Variants in GRIK1 observed in about 807,000 individuals in gnomAD.
GRIK1 encodes glutamate receptor ionotropic, kainate 1.
Under a neutral mutation model 105.7 loss-of-function variants are expected in GRIK1, and 69 were observed. That is an observed-to-expected ratio of 0.65 (90% CI 0.54 to 0.80). The LOEUF is 0.80. Among genes scored for constraint, GRIK1 ranks in the 30% least tolerant of loss-of-function variants. GRIK1 has a pLI of 0.00. For synonymous variants in GRIK1, 438 were observed against 431.3 expected (o/e 1.02, Z -0.19); for missense variants, 1,109 against 1,167.3 (o/e 0.95, Z 0.73).
chr21:29,776,171 G>T (rs1009955772), intron 1 of GRIK1, among the ~76,000 whole-genome samples: 3 of 152,134 alleles, frequency 2.0e-5, no homozygotes, highest in Non-Finnish European at 4.4e-5. Flanking sequence ...CTCCCACGAG[G>T]TCCCTCCCTC....
chr21:29,880,252 T>C (rs1227473944), intron 1 of GRIK1, among the ~76,000 whole-genome samples: 3 of 152,150 alleles, frequency 2.0e-5, no homozygotes, highest in Non-Finnish European at 2.9e-5. Flanking sequence ...TTTGTCAGCA[T>C]AAAACTTCCT....
At chr21:29,619,569 A>G (rs1445358860) in intron 7 of GRIK1, among the ~76,000 whole-genome samples, 1 of 148,730 alleles carries the variant, frequency 6.7e-6, no homozygotes, top group Non-Finnish European at 1.5e-5. Flanking sequence ...AAATCTCACA[A>G]ATCACCACTA....
At chr21:29,555,672 G>A (rs1157649719) in intron 15 of GRIK1, among the ~76,000 whole-genome samples, 1 of 152,060 alleles carries the variant, frequency 6.6e-6, no homozygotes, top group Non-Finnish European at 1.5e-5. Flanking sequence ...TTGACTGAAC[G>A]ACCCTCTTTT....
At chr21:29,783,209 T>G (rs1468239127) in intron 1 of GRIK1, among the ~76,000 whole-genome samples, 1 of 152,198 alleles carries the variant, frequency 6.6e-6, no homozygotes, top group Non-Finnish European at 1.5e-5. Context: ...AATTTCCTGT[T>G]TTTGTCTTTT....
intron 1 of GRIK1, among the ~76,000 whole-genome samples, chr21:29,907,604 T>C (rs569969232): frequency 1.0e-3 from 155 of 152,246 alleles, no homozygotes; most frequent in African/African-American, 3.6e-3. Context: ...TTATCACGAA[T>C]TTCTAGTTTT....
chr21:29,787,903 A>G lies in GRIK1; in HGVS notation c.119-93840T>C, dbSNP rs565474244. On this transcript the variant is annotated intron_variant, in intron 1 of 17. Transcript: ENST00000327783. ...ATGGCTTCCTATTTTAGTGTCCCTC[A>G]TTTTGTTCCTCGTTTATCCTGATCT... Among the ~76,000 whole-genome samples the G allele has an allele frequency of 2.6e-5, 4 of 152,258 alleles. No homozygotes were observed. In the South Asian group the frequency reaches 8.3e-4, roughly 32 times the overall value.
chr21:29,894,444 G>A (rs1485997053), intron 1 of GRIK1, among the ~76,000 whole-genome samples: 1 of 152,176 alleles, frequency 6.6e-6, no homozygotes, highest in Non-Finnish European at 1.5e-5. Flanking sequence ...GGAGAAGGAT[G>A]AAGGCCAGAA....
intron 7 of GRIK1, among the ~76,000 whole-genome samples, chr21:29,601,946 T>C (rs78463341): frequency 0.027 from 5 of 182 alleles, no homozygotes; most frequent in Non-Finnish European, 0.04. Flanking sequence ...TAATTTGTGT[T>C]TTTACTTTTC....
At chr21:29,627,015 T>C (rs1234633354) in intron 7 of GRIK1, among the ~76,000 whole-genome samples, 2 of 152,202 alleles carry the variant, frequency 1.3e-5, no homozygotes, top group Non-Finnish European at 1.5e-5. Flanking sequence ...AGTTATGTGA[T>C]GAAAATATTT....
intron 12 of GRIK1, among the ~76,000 whole-genome samples, chr21:29,586,979 TTA>T (rs1307787188): frequency 6.6e-6 from 1 of 152,248 alleles, no homozygotes; most frequent in Non-Finnish European, 1.5e-5. Context: ...GCTGACTTTT[TTA>T]TGTTTTGCTT....
chr21:29,750,184 C>A (rs1219702338), intron 1 of GRIK1, among the ~76,000 whole-genome samples: 1 of 151,800 alleles, frequency 6.6e-6, no homozygotes, highest in Non-Finnish European at 1.5e-5. Context: ...AAACTAGTCA[C>A]CCTATTTTTA....
At chr21:29,822,646 G>A (rs888592185) in intron 1 of GRIK1, among the ~76,000 whole-genome samples, 1 of 151,892 alleles carries the variant, frequency 6.6e-6, no homozygotes, top group African/African-American at 2.4e-5. Flanking sequence ...CCTCTTTCTT[G>A]TGGGTTAATA....
intron 1 of GRIK1, among the ~76,000 whole-genome samples, chr21:29,910,348 C>T (rs1312369379): frequency 6.6e-6 from 1 of 152,064 alleles, no homozygotes; most frequent in East Asian, 1.9e-4. Flanking sequence ...CCTATCTAGC[C>T]TTGTTCACAC....
rs80084319 is a variant in GRIK1 at position 29,824,592 on chromosome 21, G to A, written c.118+114791C>T. 4.9e-4 allele frequency among the ~76,000 whole-genome samples: 75 copies of A among 152,028 alleles called. No individual in the cohort carries two copies. The East Asian group carries it at 0.013, about 26-fold the overall frequency. The stretch of plus-strand genomic sequence containing the variant: ...CAGGGAGCTCAGTAAACAAAAGGGT[G>A]GGCTTTCTGGGGGAGAAAAAACCTT... On this transcript the variant is annotated intron_variant, in intron 1 of 17. Transcript: ENST00000327783.
intron 6 of GRIK1, among the ~76,000 whole-genome samples, chr21:29,649,232 G>T (rs1032037585): frequency 2.0e-5 from 3 of 152,122 alleles, no homozygotes; most frequent in Non-Finnish European, 2.9e-5. Context: ...TTATCTGCAT[G>T]ACTGTTGGAT....
At chr21:29,888,175 T>TTCTC (rs2069717314) in intron 1 of GRIK1, among the ~76,000 whole-genome samples, 1 of 10,864 alleles carries the variant, frequency 9.2e-5, no homozygotes. Context: ...CTTTCTTTCT[T>TTCTC]TCTTTCTTCC....
In GRIK1 at chr21:29,537,823, T is replaced by C; in HGVS notation, c.2669A>G (p.Lys890Arg). 6.5e-7 allele frequency: 1 copy of C among 1,527,708 alleles called. No homozygotes were observed. The allele number at this position is 1,527,708 out of a possible 1,614,324, so 94.6% of individuals were successfully genotyped here. ...CTTCTCTACACCAAGGCTTTGTTTT[T>C]TTCTCCCATGAAACCTTACTTTGTT... The part of the protein sequence containing the change: ...FRNKVRFHGR[K>R]KQSLGVEKCL... The change falls in exon 17 of 18, where the codon AAA (lysine) becomes AGA (arginine). Residue 890 changes from lysine to arginine, a missense_variant. Lys to Arg is a conservative substitution (Grantham distance 26, BLOSUM62 2). This residue lies in a region of GRIK1 where 161 missense variants were observed against 143.4 expected (regional missense o/e 1.12). Transcript: ENST00000327783.
intron 1 of GRIK1, among the ~76,000 whole-genome samples, chr21:29,768,416 G>A (rs1280455292): frequency 6.6e-6 from 1 of 152,142 alleles, no homozygotes; most frequent in Admixed American, 6.5e-5. Flanking sequence ...AATAGAAAAG[G>A]AGAGAAAGAC....
In GRIK1 at chr21:29,623,430, G is replaced by C. The variant is rs1290060399; in HGVS notation, c.1098+19396C>G. 2.0e-5 allele frequency among the ~76,000 whole-genome samples: 3 copies of C among 150,144 alleles called. No individual in the cohort carries two copies. In the Admixed American group the frequency reaches 2.0e-4, roughly 10 times the overall value. Reference sequence around the variant, plus strand: ...TTATGACCCAAACCCTGCAAGACAGGCTTTTGAAAAATCTCCTTAAAAAAA... The same window carrying C: ...TTATGACCCAAACCCTGCAAGACAGCCTTTTGAAAAATCTCCTTAAAAAAA... On this transcript the variant is annotated intron_variant, in intron 7 of 17. Transcript: ENST00000327783.
Sources: gnomAD v4.1 joint callset for allele counts (sites outside exome capture counted in the v4.1 genomes callset) on GRCh38, gnomAD v4.1.1 for gene constraint, gnomAD v4.1.1 regional missense constraint, MANE v1.5 for transcripts, NCBI Gene and HGNC (gene_info 2026-07-23, HGNC 2026-07-21) for gene names.